Variants in RELN observed in about 807,000 individuals in gnomAD.
The protein encoded by RELN is reelin.
A neutral mutation model predicts 427.6 loss-of-function variants in RELN; 108 were observed. That is an observed-to-expected ratio of 0.25 (90% CI 0.22 to 0.30). RELN has a LOEUF of 0.30. Among genes scored for constraint, RELN ranks in the 10% least tolerant of loss-of-function variants. RELN has a pLI of 1.00. For synonymous variants in RELN, 1,524 were observed against 1,513.4 expected (o/e 1.01, Z -0.16); for missense variants, 3,715 against 4,302.8 (o/e 0.86, Z 3.82).
Position 103,575,676 on chromosome 7 carries a change from C to T in RELN, c.4175G>A (p.Ser1392Asn), listed in dbSNP as rs750044740. The T allele has an allele frequency of 6.2e-7, 1 of 1,614,154 alleles. No individual in the cohort carries two copies. The highest frequency in any genetic ancestry group is 1.1e-5 in the South Asian group (1 of 91,080). The change falls in exon 29 of 65, where the codon AGC (serine) becomes AAC (asparagine). Residue 1392 changes from serine (S) to asparagine (N), a missense_variant. Around this residue, in one of 4 missense-constraint regions of RELN, gnomAD observed 2,208 missense variants for 2,361.7 expected, o/e 0.93. Transcript: ENST00000428762. ...SKTRFRWIQE[S>N]SSQKNVPPFG... ...TGGAGGCACGTTTTTCTGTGAGCTG[C>T]TCTCCTGGATCCATCGGAATCTGGT...
chr7:103,510,480 G>C (rs1397535952), intron 51 of RELN, among the ~76,000 whole-genome samples: 1 of 150,350 alleles, frequency 6.7e-6, no homozygotes, highest in Non-Finnish European at 1.5e-5. Context: ...CGCACTGTGG[G>C]GCCTGTCGGG....
chr7:103,578,265 A>C (rs1831048541), intron 28 of RELN, among the ~76,000 whole-genome samples: 2 of 152,148 alleles, frequency 1.3e-5, no homozygotes, highest in Non-Finnish European at 2.9e-5. Flanking sequence ...AGCAGAATGC[A>C]CTGTTATATG....
chr7:103,976,725 G>A (rs978591076), intron 1 of RELN, among the ~76,000 whole-genome samples: 1 of 152,176 alleles, frequency 6.6e-6, no homozygotes, highest in African/African-American at 2.4e-5. Context: ...TCATTAGGCA[G>A]TCACCAGCAT....
chr7:103,519,432 T>C lies in RELN; in HGVS notation c.7753A>G (p.Ile2585Val). 1 of 1,613,602 alleles carries C rather than the reference T, an allele frequency of 6.2e-7. No homozygotes were observed. Among genetic ancestry groups the C allele is most frequent in the Non-Finnish European group, 8.5e-7 (1 of 1,179,522 alleles). Reference sequence around the variant, plus strand: ...CCTTGGTTACGGTTGTTTGGTGTAATCAGGCACCCATACATGAAGTAAAAT... The same window carrying C: ...CCTTGGTTACGGTTGTTTGGTGTAACCAGGCACCCATACATGAAGTAAAAT... ...IQFYFMYGCLITPNNRNQGVL... is the reference protein window; with the variant it reads ...IQFYFMYGCLVTPNNRNQGVL... The change falls in exon 49 of 65, where the codon ATT (isoleucine) becomes GTT (valine). Residue 2585 changes from isoleucine to valine, a missense_variant. This residue lies in a region of RELN where 1,310 missense variants were observed against 1,643.0 expected (regional missense o/e 0.80). Transcript: ENST00000428762.
At chr7:103,676,512 C>T (rs9771263) in intron 11 of RELN, among the ~76,000 whole-genome samples, 2,987 of 152,252 alleles carry the variant, frequency 0.02, 115 homozygotes, top group African/African-American at 0.069. Context: ...ACTAGAAATA[C>T]CATTTGACCC....
intron 2 of RELN, among the ~76,000 whole-genome samples, chr7:103,880,455 T>C (rs1430293946): frequency 1.3e-5 from 2 of 152,166 alleles, no homozygotes; most frequent in African/African-American, 4.8e-5. Context: ...TTATAGGTTA[T>C]ATATATTCAA....
At chr7:103,619,636 T>C (rs1169028567) in intron 20 of RELN, among the ~76,000 whole-genome samples, 1 of 152,198 alleles carries the variant, frequency 6.6e-6, no homozygotes, top group Non-Finnish European at 1.5e-5. Context: ...AAAATGCGCG[T>C]CAGCTGGAGC....
chr7:103,682,212 C>T lies in RELN; in HGVS notation c.1193G>A (p.Gly398Asp), dbSNP rs766992224. ...GNSIYFHGNE[G>D]SEFNFATTRD... is the part of the protein sequence containing the mutation. ...GGTGGTGGCAAAATTGAACTCGCTG[C>T]CTTCATTTCCATGGAAATAAATGGA... The change falls in exon 11 of 65, where the codon GGC becomes GAC. Residue 398 changes from glycine (G) to aspartate (D), a missense_variant. Around this residue, in one of 4 missense-constraint regions of RELN, gnomAD observed 2,208 missense variants for 2,361.7 expected, o/e 0.93. Coordinates refer to ENST00000428762, the MANE Select transcript of RELN (RefSeq NM_005045.4). 3 of 1,613,856 alleles carry T rather than the reference C, an allele frequency of 1.9e-6. No individual in the cohort carries two copies. Among genetic ancestry groups the T allele is most frequent in the South Asian group, 1.1e-5 (1 of 91,084 alleles).
chr7:103,915,552 C>A (rs1199989377), intron 2 of RELN, among the ~76,000 whole-genome samples: 1 of 152,052 alleles, frequency 6.6e-6, no homozygotes, highest in Non-Finnish European at 1.5e-5. Flanking sequence ...TTACTGCTTT[C>A]CAGGTGATGC....
intron 17 of RELN, among the ~76,000 whole-genome samples, chr7:103,639,831 A>T (rs1832661818): frequency 6.6e-6 from 1 of 150,484 alleles, no homozygotes; most frequent in Non-Finnish European, 1.5e-5. Context: ...GCTGTTGAAC[A>T]CTTATCTTTA....
At chr7:103,901,656 A>G (rs1795087278) in intron 2 of RELN, among the ~76,000 whole-genome samples, 1 of 152,066 alleles carries the variant, frequency 6.6e-6, no homozygotes, top group South Asian at 2.1e-4. Flanking sequence ...AAAAGGTCAC[A>G]TGTTGTATGT....
At position 103,672,946 on chromosome 7, in the gene RELN, C is replaced by T. The variant is rs1026101780; in HGVS notation, c.1289+9170G>A. Among the ~76,000 whole-genome samples the T allele has an allele frequency of 2.0e-4, 30 of 152,028 alleles. 1 individual carries two copies. The highest frequency in any genetic ancestry group is 7.2e-4 in the African/African-American group (30 of 41,504). On this transcript the variant is annotated intron_variant, in intron 11 of 64. Transcript: ENST00000428762. ...CTGAATTCTATCTTATTTTAATATG[C>T]CTCCTTGCTGCTTCTGTTACATTTG...
Position 103,515,179 on chromosome 7 carries a change from A to G in RELN, c.8119+6T>C. The G allele has an allele frequency of 6.2e-7, 1 of 1,614,004 alleles. No homozygotes were observed. The highest frequency in any genetic ancestry group is 1.1e-5 in the South Asian group (1 of 91,072). ...GGCTTTTTATTTAGCGCTGTGCATAATTTACCTGAAGTTTTGTCTTCCATA... is the reference window on the plus strand; with the variant it reads ...GGCTTTTTATTTAGCGCTGTGCATAGTTTACCTGAAGTTTTGTCTTCCATA... On this transcript the variant is annotated splice_donor_region_variant and intron_variant, in intron 50 of 64. Coordinates refer to ENST00000428762, the MANE Select transcript of RELN (RefSeq NM_005045.4).
intron 25 of RELN, 128 bp from the exon 26 acceptor site, chr7:103,594,620 A>G (rs1562911603): frequency 1.0e-6 from 1 of 991,144 alleles, no homozygotes; most frequent in Non-Finnish European, 1.5e-6. Flanking sequence ...ATTTTCCAAA[A>G]GCCCGTAAGT....
At chr7:103,578,274 T>C (rs969755443) in intron 28 of RELN, among the ~76,000 whole-genome samples, 24 of 152,138 alleles carry the variant, frequency 1.6e-4, no homozygotes, top group African/African-American at 4.8e-4. Context: ...CACTGTTATA[T>C]GTTTGAGACG....
chr7:103,840,345 A>G (rs111559912), intron 2 of RELN, among the ~76,000 whole-genome samples: 9 of 152,308 alleles, frequency 5.9e-5, no homozygotes, highest in East Asian at 1.9e-4. Context: ...GATTTTCCGT[A>G]TTTGTTTTTA....
chr7:103,951,757 C>T (rs1464700400), intron 1 of RELN, among the ~76,000 whole-genome samples: 1 of 151,916 alleles, frequency 6.6e-6, no homozygotes, highest in East Asian at 1.9e-4. Context: ...ACTGCAATCT[C>T]CACCTCCCAG....
At chr7:103,507,469 GT>G (rs1829253965) in intron 51 of RELN, among the ~76,000 whole-genome samples, 1 of 152,166 alleles carries the variant, frequency 6.6e-6, no homozygotes, top group South Asian at 2.1e-4. Context: ...AAATAAAGAT[GT>G]TCTTTGAAAC....
chr7:103,480,067 T>C (rs138410291), intron 63 of RELN, among the ~76,000 whole-genome samples: 11 of 152,330 alleles, frequency 7.2e-5, no homozygotes, highest in Non-Finnish European at 1.5e-4. Context: ...TACAGTTACG[T>C]AGGGTTTGTA....
Sources: gnomAD v4.1 joint callset for allele counts (sites outside exome capture counted in the v4.1 genomes callset) on GRCh38, gnomAD v4.1.1 for gene constraint, gnomAD v4.1.1 regional missense constraint, MANE v1.5 for transcripts, NCBI Gene and HGNC (gene_info 2026-07-23, HGNC 2026-07-21) for gene names.